Variants in SLC44A5 observed in about 807,000 individuals in gnomAD.
SLC44A5 encodes choline transporter-like protein 5.
Under a neutral mutation model 101.8 loss-of-function variants are expected in SLC44A5, and 57 were observed. The observed-to-expected ratio is 0.56, with a 90% CI of 0.45 to 0.70. The LOEUF is 0.70. SLC44A5 is among the 30% of genes least tolerant of loss of function. The probability of loss-of-function intolerance (pLI) is 0.00; values close to 1 mark genes in which losing one functional copy is unlikely to be tolerated. For missense variants in SLC44A5, 737 were observed against 853.1 expected (o/e 0.86, Z 1.70); for synonymous variants, 281 against 290.9 (o/e 0.97, Z 0.35).
intron 9 of SLC44A5, among the ~76,000 whole-genome samples, chr1:75,241,773 G>A (rs1648650200): frequency 6.6e-6 from 1 of 151,894 alleles, no homozygotes; most frequent in East Asian, 1.9e-4. Flanking sequence ...TCTTTTTCTT[G>A]TATGTTTACA....
At chr1:75,649,763 A>G in the SLC44A5 span, among the ~76,000 whole-genome samples, 1 of 152,144 alleles carries the variant, frequency 6.6e-6, no homozygotes, top group Non-Finnish European at 1.5e-5. Context: ...CATGGTTTAA[A>G]CACTATGCCT....
At chr1:75,232,559 G>A (rs1336488622) in intron 12 of SLC44A5, among the ~76,000 whole-genome samples, 1 of 152,130 alleles carries the variant, frequency 6.6e-6, no homozygotes, top group Non-Finnish European at 1.5e-5. Context: ...CAGGTGGGAT[G>A]CAAGAGGAGC....
intron 1 of SLC44A5, among the ~76,000 whole-genome samples, chr1:75,573,202 A>C (rs1673176809): frequency 2.7e-5 from 4 of 150,470 alleles, no homozygotes; most frequent in Admixed American, 2.7e-4. Flanking sequence ...GATACATATT[A>C]ATTAGAAATA....
chr1:75,721,406 G>A, the SLC44A5 span, among the ~76,000 whole-genome samples: 2 of 152,092 alleles, frequency 1.3e-5, no homozygotes, highest in African/African-American at 4.8e-5. Flanking sequence ...ATTTTCTTGC[G>A]TTTTTGTTTT....
chr1:75,504,097 T>C (rs1193930502), intron 2 of SLC44A5, among the ~76,000 whole-genome samples: 2 of 152,184 alleles, frequency 1.3e-5, no homozygotes, highest in African/African-American at 4.8e-5. Flanking sequence ...CAAGTATTTT[T>C]ATAACTCTAA....
intron 2 of SLC44A5, among the ~76,000 whole-genome samples, chr1:75,408,837 T>C (rs867049696): frequency 1.3e-5 from 2 of 151,994 alleles, no homozygotes; most frequent in African/African-American, 4.8e-5. Flanking sequence ...TGCACATGTA[T>C]CCCAGAACTT....
At chr1:75,325,385 TAAAA>T (rs1034361792) in intron 4 of SLC44A5, among the ~76,000 whole-genome samples, 43 of 152,194 alleles carry the variant, frequency 2.8e-4, no homozygotes, top group Non-Finnish European at 2.9e-5. Flanking sequence ...ATTGTTAGGT[TAAAA>T]AAACACAATT....
intron 2 of SLC44A5, among the ~76,000 whole-genome samples, chr1:75,426,986 AC>A (rs1664350660): frequency 6.6e-6 from 1 of 152,172 alleles, no homozygotes; most frequent in Admixed American, 6.5e-5. Context: ...GGATCCCAGC[AC>A]CACTTGGTTC....
At chr1:75,714,350 C>T in the SLC44A5 span, among the ~76,000 whole-genome samples, 1 of 152,146 alleles carries the variant, frequency 6.6e-6, no homozygotes, top group Non-Finnish European at 1.5e-5. Context: ...TAAAAACCCT[C>T]AACTAACTAG....
chr1:75,427,014 T>G (rs1429182206), intron 2 of SLC44A5, among the ~76,000 whole-genome samples: 2 of 152,206 alleles, frequency 1.3e-5, no homozygotes. Context: ...TTTTTGGGGC[T>G]CATTTTCCAG....
At chr1:75,439,004 C>G (rs1285867458) in intron 2 of SLC44A5, among the ~76,000 whole-genome samples, 1 of 152,016 alleles carries the variant, frequency 6.6e-6, no homozygotes, top group African/African-American at 2.4e-5. Context: ...TAAATGTTCC[C>G]CCAAAGTTCA....
intron 3 of SLC44A5, among the ~76,000 whole-genome samples, chr1:75,389,171 A>G (rs908012704): frequency 6.6e-6 from 1 of 152,240 alleles, no homozygotes; most frequent in Non-Finnish European, 1.5e-5. Flanking sequence ...TGGAGCACTC[A>G]GATTCATAAA....
chr1:75,227,532 T>G (rs2100540852), intron 13 of SLC44A5, among the ~76,000 whole-genome samples, 194 bp downstream of exon 13: 1 of 152,298 alleles, frequency 6.6e-6, no homozygotes, highest in Non-Finnish European at 1.5e-5. Flanking sequence ...AGGTAGCATT[T>G]TCTTAGATTA....
chr1:75,207,055 C>T (rs1184157173), intron 23 of SLC44A5, among the ~76,000 whole-genome samples: 1 of 152,110 alleles, frequency 6.6e-6, no homozygotes, highest in Non-Finnish European at 1.5e-5. Flanking sequence ...TTGCCAAATC[C>T]TCCGGGATGG....
At chr1:75,676,342 T>C in the SLC44A5 span, among the ~76,000 whole-genome samples, 3 of 152,174 alleles carry the variant, frequency 2.0e-5, no homozygotes, top group Non-Finnish European at 4.4e-5. Flanking sequence ...GTGGTACATA[T>C]AGACCATGAA....
intron 3 of SLC44A5, among the ~76,000 whole-genome samples, chr1:75,347,386 A>G (rs1336279708): frequency 2.0e-5 from 3 of 152,146 alleles, no homozygotes; most frequent in Admixed American, 6.6e-5. Flanking sequence ...TTAGTGCACA[A>G]TTTCTACCCA....
the SLC44A5 span, among the ~76,000 whole-genome samples, chr1:75,632,488 A>C: frequency 2.0e-5 from 3 of 152,144 alleles, no homozygotes; most frequent in Non-Finnish European, 4.4e-5. Context: ...TCAGTTCCAC[A>C]CAGTTTACTC....
chr1:75,202,711 A>G lies in SLC44A5; in HGVS notation c.*1016T>C, dbSNP rs1646683751. The G allele has an allele frequency of 6.6e-6, 1 of 152,182 alleles. No homozygotes were observed. The highest frequency in any genetic ancestry group is 1.5e-5 in the Non-Finnish European group (1 of 68,026). The allele number at this position is 152,182 out of a possible 1,614,324, so 9.4% of individuals were successfully genotyped here. A position where few individuals can be genotyped will look rare whatever the true frequency, so the allele number is the denominator to read the frequency against. On this transcript the variant is annotated 3_prime_UTR_variant, in exon 24 of 24. Coordinates refer to ENST00000370859, the MANE Select transcript of SLC44A5 (RefSeq NM_001130058.2). Reference sequence around the variant, plus strand: ...TATTCAGTACATGACATCTGTGAGCACCCTTTCGAGGAGTAAAGTTTCCCT... The same window carrying G: ...TATTCAGTACATGACATCTGTGAGCGCCCTTTCGAGGAGTAAAGTTTCCCT...
At chr1:75,696,288 C>A in the SLC44A5 span, among the ~76,000 whole-genome samples, 839 of 152,006 alleles carry the variant, frequency 5.5e-3, 5 homozygotes, top group African/African-American at 0.019. Flanking sequence ...ATTTCATTGG[C>A]CAAAGCAATT....
Sources: allele counts gnomAD v4.1 joint callset (sites outside exome capture counted in the v4.1 genomes callset), GRCh38; gene constraint gnomAD v4.1.1; transcripts MANE v1.5; gene names NCBI Gene and HGNC (gene_info 2026-07-23, HGNC 2026-07-21).